MLIP: variants seen among roughly 807,000 people sequenced by gnomAD.
MLIP encodes muscular LMNA interacting protein, also known as muscular LMNA-interacting protein.
In MLIP, 79 loss-of-function variants were observed where a neutral mutation model predicts 84.8. The observed-to-expected ratio is 0.93, with a 90% CI of 0.78 to 1.12. The LOEUF (loss-of-function observed/expected upper bound fraction) is 1.12. Ranked by LOEUF, MLIP falls within the 50% of genes most tolerant of loss-of-function variation. The pLI, the probability that MLIP is intolerant of heterozygous loss-of-function variation, is 0.00. For synonymous variants in MLIP, 504 were observed against 463.0 expected (o/e 1.09, Z -1.14); for missense variants, 1,257 against 1,160.6 (o/e 1.08, Z -1.21).
At chr6:54,086,604 C>T (rs766558228) in intron 1 of MLIP, among the ~76,000 whole-genome samples, 1 of 152,130 alleles carries the variant, frequency 6.6e-6, no homozygotes, top group Non-Finnish European at 1.5e-5. Flanking sequence ...GAATAAAAGC[C>T]AAAGTCCGTT....
intron 1 of MLIP, among the ~76,000 whole-genome samples, chr6:54,117,211 C>CT (rs200691416): frequency 0.19 from 22,005 of 116,912 alleles, 2,734 homozygotes; most frequent in South Asian, 0.27. Flanking sequence ...CTATTTCTGT[C>CT]TTTTTTTTTT....
At chr6:54,122,010 G>A (rs1458701985) in intron 2 of MLIP, among the ~76,000 whole-genome samples, 3 of 152,214 alleles carry the variant, frequency 2.0e-5, no homozygotes, top group African/African-American at 7.2e-5. Flanking sequence ...TGTTGGGAAA[G>A]TTGTGGAAAT....
rs1389233110 is a variant in MLIP, at chr6:54,160,397, G to A, written c.2320G>A (p.Val774Ile). The A allele has an allele frequency of 2.5e-6, 4 of 1,612,244 alleles. No individual in the cohort carries two copies. Among genetic ancestry groups the A allele is most frequent in the Admixed American group, 3.3e-5 (2 of 59,782 alleles). ...ALDEPAKTES[V>I]SKDNTLEPPV... ...AGATGAACCAGCCAAGACTGAAAGT[G>A]TCTCCAAGGACAACACATTAGAACC... The change falls in exon 6 of 14, where the codon GTC becomes ATC. Residue 774 changes from valine to isoleucine, a missense_variant. Physicochemically the swap from Val to Ile is conservative, Grantham distance 29. Coordinates refer to ENST00000502396, the MANE Select transcript of MLIP (RefSeq NM_001281747.2).
intron 1 of MLIP, among the ~76,000 whole-genome samples, chr6:54,086,650 T>C (rs368943814): frequency 4.9e-4 from 74 of 152,274 alleles, no homozygotes; most frequent in African/African-American, 1.7e-3. Flanking sequence ...TCTGGCCCCT[T>C]CTTAAGAATC....
In MLIP at chr6:54,259,173, TG is replaced by T. The variant is rs1783219599; in HGVS notation, c.2976+1813del. Among the ~76,000 whole-genome samples the T allele has an allele frequency of 2.0e-5, 3 of 151,896 alleles. No homozygotes were observed. The South Asian group carries it at 6.2e-4, about 31-fold the overall frequency. Reference sequence around the variant, plus strand: ...ATTTATTGGTATGGTAATATATTTTTGTTGAGTGGTAAACTCCATTTTTATA... The same window carrying T: ...ATTTATTGGTATGGTAATATATTTTTTTGAGTGGTAAACTCCATTTTTATA... On this transcript the variant is annotated intron_variant, in intron 13 of 13. Transcript: ENST00000502396.
At chr6:54,193,046 T>G (rs1562041461) in intron 10 of MLIP, among the ~76,000 whole-genome samples, 1 of 152,186 alleles carries the variant, frequency 6.6e-6, no homozygotes, top group Non-Finnish European at 1.5e-5. Flanking sequence ...GTGTGCCAAT[T>G]CAGAATTGAA....
At chr6:54,050,937 C>A (rs763549520) in intron 1 of MLIP, among the ~76,000 whole-genome samples, 25 of 152,194 alleles carry the variant, frequency 1.6e-4, no homozygotes, top group Non-Finnish European at 2.4e-4. Context: ...TCTGAACTTT[C>A]TGTCCTCATG....
At chr6:54,196,653 ATTATAG>A (rs1778320832) in intron 10 of MLIP, among the ~76,000 whole-genome samples, 1 of 152,038 alleles carries the variant, frequency 6.6e-6, no homozygotes, top group African/African-American at 2.4e-5. Context: ...TCCATATTGA[ATTATAG>A]TCAGCACACT....
intron 9 of MLIP, 37 bp from the exon 10 acceptor site, chr6:54,189,833 G>A (rs1309962855): frequency 2.1e-6 from 3 of 1,448,428 alleles, no homozygotes; most frequent in Non-Finnish European, 9.7e-7. Context: ...AATAAATTAT[G>A]AGTTTCACTA....
chr6:54,221,762 T>TTA (rs1239546144), intron 11 of MLIP, among the ~76,000 whole-genome samples: 1 of 152,042 alleles, frequency 6.6e-6, no homozygotes, highest in Non-Finnish European at 1.5e-5. Context: ...TAAATCTAAT[T>TTA]TATATATATT....
rs1782620775 is a variant in MLIP, at chr6:54,252,083, A to AC, written c.2923-5225_2923-5224insC. On this transcript the variant is annotated intron_variant, in intron 12 of 13. Transcript: ENST00000502396. ...TATATATTATAACATATAATATATA[A>AC]TATAAATATATATTATAACATATAA... Among the ~76,000 whole-genome samples, 6 of 82,264 alleles carry AC rather than the reference A, an allele frequency of 7.3e-5. No homozygotes were observed. In the East Asian group the frequency reaches 1.7e-3, roughly 23 times the overall value. The allele number at this position is 82,264 out of a possible 152,430, so 54.0% of individuals were successfully genotyped here. A position where few individuals can be genotyped will look rare whatever the true frequency, so the allele number is the denominator to read the frequency against.
chr6:54,071,293 C>T (rs1254798037), intron 1 of MLIP, among the ~76,000 whole-genome samples: 2 of 151,710 alleles, frequency 1.3e-5, no homozygotes, highest in African/African-American at 2.4e-5. Context: ...CTTTAATATG[C>T]ATGAATGCTG....
In MLIP at chr6:54,093,964, C is replaced by A. The variant is rs138753303; in HGVS notation, c.64-27483C>A. ...TCTGATAATGAATGTAAAGCACTTACAATTTCTGACACAGGATAAATATCC... is the reference window on the plus strand; with the variant it reads ...TCTGATAATGAATGTAAAGCACTTAAAATTTCTGACACAGGATAAATATCC... On this transcript the variant is annotated intron_variant, in intron 1 of 12. Coordinates refer to the MLIP transcript ENST00000274897. Among the ~76,000 whole-genome samples the A allele has an allele frequency of 5.3e-3, 803 of 152,216 alleles. 7 individuals carry two copies. The highest frequency in any genetic ancestry group is 0.017 in the African/African-American group (695 of 41,558).
intron 13 of MLIP, among the ~76,000 whole-genome samples, chr6:54,260,618 A>G (rs1783319985): frequency 6.6e-6 from 1 of 151,992 alleles, no homozygotes; most frequent in Non-Finnish European, 1.5e-5. Flanking sequence ...GGATCATGAA[A>G]GAATTTGTTG....
chr6:54,027,353 T>G (rs1763864441), intron 1 of MLIP, among the ~76,000 whole-genome samples: 1 of 145,892 alleles, frequency 6.9e-6, no homozygotes, highest in African/African-American at 2.7e-5. Context: ...GATGCTATGT[T>G]TTTATTTGGA....
At chr6:54,141,311 C>T (rs1561975332) in intron 4 of MLIP, among the ~76,000 whole-genome samples, 1 of 84,990 alleles carries the variant, frequency 1.2e-5, no homozygotes, top group Admixed American at 1.2e-4. Context: ...GCTCAGCCTG[C>T]CTTTTTTTTT....
intron 11 of MLIP, among the ~76,000 whole-genome samples, chr6:54,227,510 A>G (rs1780657957): frequency 1.3e-5 from 2 of 152,240 alleles, no homozygotes; most frequent in South Asian, 4.1e-4. Context: ...AAGTAGATGA[A>G]GATATACCCA....
chr6:54,110,513 C>T (rs1381188670), upstream of MLIP, among the ~76,000 whole-genome samples: 1 of 152,058 alleles, frequency 6.6e-6, no homozygotes, highest in African/African-American at 2.4e-5. Flanking sequence ...TGGAATAGTT[C>T]CTCCCACTGT....
intron 12 of MLIP, among the ~76,000 whole-genome samples, chr6:54,232,713 A>C (rs1781089039): frequency 6.6e-6 from 1 of 152,200 alleles, no homozygotes; most frequent in Admixed American, 6.5e-5. Flanking sequence ...GAAATAACTT[A>C]ATGCCTTTAA....
Sources: allele counts gnomAD v4.1 joint callset (sites outside exome capture counted in the v4.1 genomes callset), GRCh38; gene constraint gnomAD v4.1.1; transcripts MANE v1.5; gene names NCBI Gene and HGNC (gene_info 2026-07-23, HGNC 2026-07-21).